The following CENPP variants were observed in gnomAD, a reference collection of about 807,000 sequenced individuals.
CENPP encodes centromere protein P.
A neutral mutation model predicts 35.6 loss-of-function variants in CENPP; 24 were observed. The observed-to-expected ratio is 0.67, with a 90% CI of 0.49 to 0.95. The LOEUF (loss-of-function observed/expected upper bound fraction) is 0.95. Among genes scored for constraint, CENPP ranks in the 40% least tolerant of loss-of-function variants. The probability of loss-of-function intolerance (pLI) is 0.00; values close to 1 mark genes in which losing one functional copy is unlikely to be tolerated. For missense variants in CENPP, 332 were observed against 345.3 expected, an observed-to-expected ratio of 0.96 and a Z score of 0.31; for synonymous variants, 120 against 125.5, an observed-to-expected ratio of 0.96 and a Z score of 0.29.
intron 2 of CENPP, among the ~76,000 whole-genome samples, chr9:92,332,753 A>G (rs1168487089): frequency 3.3e-5 from 5 of 151,960 alleles, no homozygotes; most frequent in African/African-American, 1.2e-4. Context: ...AGTTGCAGTG[A>G]GCTGAGATTG....
intron 5 of CENPP, among the ~76,000 whole-genome samples, chr9:92,527,684 A>G (rs139892297): frequency 4.0e-4 from 61 of 152,204 alleles, no homozygotes; most frequent in African/African-American, 1.1e-3. Context: ...CACAGTGTCT[A>G]CCACCCAAAT....
chr9:92,598,947 A>G (rs1850844653), intron 5 of CENPP, among the ~76,000 whole-genome samples: 1 of 151,916 alleles, frequency 6.6e-6, no homozygotes, highest in Admixed American at 6.6e-5. Flanking sequence ...ATCTCTACTA[A>G]AAATTAGCCA....
chr9:92,356,008 A>C (rs76275523), intron 4 of CENPP, among the ~76,000 whole-genome samples: 5,412 of 152,340 alleles, frequency 0.036, 130 homozygotes, highest in South Asian at 0.085. Flanking sequence ...AAATTTTCAT[A>C]TCATATCAGA....
intron 3 of CENPP, among the ~76,000 whole-genome samples, chr9:92,343,949 C>T (rs1841200277): frequency 2.3e-5 from 2 of 86,272 alleles, no homozygotes. Flanking sequence ...GGCAATAGAG[C>T]AAAACCCTGT....
intron 4 of CENPP, among the ~76,000 whole-genome samples, chr9:92,377,517 A>G (rs191016679): frequency 1.6e-4 from 24 of 152,304 alleles, no homozygotes; most frequent in African/African-American, 3.6e-4. Context: ...TGGCAAGGGT[A>G]TCTTACAGTA....
At chr9:92,526,635 G>T (rs917979143) in intron 5 of CENPP, among the ~76,000 whole-genome samples, 3 of 151,180 alleles carry the variant, frequency 2.0e-5, no homozygotes, top group Admixed American at 6.6e-5. Context: ...AAAGTTTTCT[G>T]AAACGATTAA....
intron 5 of CENPP, among the ~76,000 whole-genome samples, chr9:92,477,192 G>A (rs1049546626): frequency 2.6e-5 from 4 of 152,142 alleles, no homozygotes; most frequent in Non-Finnish European, 4.4e-5. Flanking sequence ...TTGATGTTTC[G>A]TATTCCAGTC....
At chr9:92,358,050 A>G (rs1194107834) in intron 4 of CENPP, among the ~76,000 whole-genome samples, 3 of 151,252 alleles carry the variant, frequency 2.0e-5, no homozygotes, top group African/African-American at 7.3e-5. Context: ...CTCTATGTGG[A>G]TCTCTTAGTT....
At chr9:92,403,632 C>G (rs1843209742) in intron 5 of CENPP, 1 of 1,186,928 alleles carries the variant, frequency 8.4e-7, no homozygotes, top group Admixed American at 4.4e-5. Flanking sequence ...AGTGAACATT[C>G]TGAAAAATAG....
intron 5 of CENPP, among the ~76,000 whole-genome samples, chr9:92,450,639 T>G (rs986197392): frequency 1.3e-5 from 2 of 152,178 alleles, no homozygotes; most frequent in Non-Finnish European, 2.9e-5. Context: ...TCTAATGGTA[T>G]TTCTAGTTCC....
chr9:92,442,842 C>A (rs1195931499), intron 5 of CENPP, among the ~76,000 whole-genome samples: 3 of 150,440 alleles, frequency 2.0e-5, no homozygotes, highest in South Asian at 2.1e-4. Flanking sequence ...GTGCAAGACT[C>A]CTTCTCAAAA....
rs537892606 is a variant in CENPP at position 92,582,871 on chromosome 9, T to C, written c.565-28443T>C. 5.9e-5 allele frequency among the ~76,000 whole-genome samples: 9 copies of C among 152,262 alleles called. No individual in the cohort carries two copies. The East Asian group carries it at 1.5e-3, about 26-fold the overall frequency. On this transcript the variant is annotated intron_variant, in intron 5 of 7. Coordinates refer to ENST00000375587, the MANE Select transcript of CENPP (RefSeq NM_001012267.3). Reference sequence around the variant, plus strand: ...CCTGGGAAGAGGAATGGGGATACTCTTGTGGCCCACCGAGTCTTCAGATTC... The same window carrying C: ...CCTGGGAAGAGGAATGGGGATACTCCTGTGGCCCACCGAGTCTTCAGATTC...
chr9:92,551,847 GTA>G (rs150381008), intron 5 of CENPP, among the ~76,000 whole-genome samples: 1 of 148,592 alleles, frequency 6.7e-6, no homozygotes. Context: ...CATGGTGTGT[GTA>G]TATATATATA....
At chr9:92,410,794 CAT>C (rs1301183480) in intron 5 of CENPP, among the ~76,000 whole-genome samples, 3 of 152,282 alleles carry the variant, frequency 2.0e-5, no homozygotes, top group African/African-American at 7.2e-5. Context: ...ACCTCCAACT[CAT>C]GTGCACTTTA....
At chr9:92,339,087 GA>G (rs1841024970) in intron 3 of CENPP, among the ~76,000 whole-genome samples, 1 of 152,174 alleles carries the variant, frequency 6.6e-6, no homozygotes, top group Non-Finnish European at 1.5e-5. Flanking sequence ...GGCCAACAGG[GA>G]ATGTGTGCAA....
intron 5 of CENPP, among the ~76,000 whole-genome samples, chr9:92,499,366 A>G (rs924156177): frequency 6.6e-6 from 1 of 152,202 alleles, no homozygotes; most frequent in South Asian, 2.1e-4. Context: ...TGAGCAAAAA[A>G]TTTTTTACAG....
chr9:92,552,073 GATCTATCATATAT>G (rs1405966113), intron 5 of CENPP, among the ~76,000 whole-genome samples: 6 of 125,584 alleles, frequency 4.8e-5, no homozygotes, highest in African/African-American at 1.1e-4. Flanking sequence ...TGATATGATA[GATCTATCATATAT>G]GTGATATGAT....
chr9:92,555,214 ATTT>A lies in CENPP; in HGVS notation c.565-56071_565-56069del, dbSNP rs34701393. On this transcript the variant is annotated intron_variant, in intron 5 of 7. Transcript: ENST00000375587. Reference sequence around the variant, plus strand: ...TCTGGTCTTGGACTTTTTTTTGGAAATTTTTTTTTTTTTTTTTTTTTTTTTTTT... The same window carrying A: ...TCTGGTCTTGGACTTTTTTTTGGAAATTTTTTTTTTTTTTTTTTTTTTTTT... Among the ~76,000 whole-genome samples, 397 of 63,422 alleles carry A rather than the reference ATTT, an allele frequency of 6.3e-3. 2 individuals carry two copies. The highest frequency in any genetic ancestry group is 0.016 in the African/African-American group (188 of 12,074). The allele number at this position is 63,422 out of a possible 152,430, so 41.6% of individuals were successfully genotyped here.
At chr9:92,592,933 A>C (rs1850700313) in intron 5 of CENPP, among the ~76,000 whole-genome samples, 1 of 152,220 alleles carries the variant, frequency 6.6e-6, no homozygotes, top group Admixed American at 6.5e-5. Flanking sequence ...TTTCTATACA[A>C]GTGAGAGAGG....
Sources: allele counts gnomAD v4.1 joint callset (sites outside exome capture counted in the v4.1 genomes callset), GRCh38; gene constraint gnomAD v4.1.1; transcripts MANE v1.5; gene names NCBI Gene and HGNC (gene_info 2026-07-23, HGNC 2026-07-21).